Variants in ARHGAP15 observed in about 807,000 individuals in gnomAD.
ARHGAP15 encodes Rho GTPase activating protein 15, also known as rho GTPase-activating protein 15.
ARHGAP15 carries 51 observed loss-of-function variants against 63.7 expected under a neutral mutation model. The ratio of observed to expected loss-of-function variants is 0.80; its 90% CI spans 0.64 to 1.01. The LOEUF is 1.01. Among genes scored for constraint, ARHGAP15 ranks in the 50% least tolerant of loss-of-function variants. The pLI, the probability that ARHGAP15 is intolerant of heterozygous loss-of-function variation, is 0.00. For synonymous variants in ARHGAP15, 191 were observed against 193.8 expected, an observed-to-expected ratio of 0.99 and a Z score of 0.12; for missense variants, 560 against 564.6, an observed-to-expected ratio of 0.99 and a Z score of 0.08.
At chr2:143,445,586 C>T (rs191790738) in intron 8 of ARHGAP15, among the ~76,000 whole-genome samples, 10 of 152,116 alleles carry the variant, frequency 6.6e-5, no homozygotes, top group Non-Finnish European at 1.5e-5. Context: ...CACTCCCTGA[C>T]CCATAATTTA....
At chr2:143,497,548 C>T (rs753227361) in intron 9 of ARHGAP15, among the ~76,000 whole-genome samples, 10 of 152,176 alleles carry the variant, frequency 6.6e-5, no homozygotes, top group Admixed American at 5.2e-4. Flanking sequence ...GCCAGCTTCA[C>T]GAGCAGTGGA....
At chr2:143,262,031 G>C (rs755665978) in intron 6 of ARHGAP15, among the ~76,000 whole-genome samples, 15 of 152,044 alleles carry the variant, frequency 9.9e-5, no homozygotes, top group African/African-American at 2.2e-4. Flanking sequence ...TGTCAAGAAG[G>C]CTCTTTCAGG....
Position 143,165,010 on chromosome 2 carries a change from C to A in ARHGAP15, c.165+9355C>A, listed in dbSNP as rs115288060. On this transcript the variant is annotated intron_variant, in intron 2 of 13. Transcript: ENST00000295095. Reference sequence around the variant, plus strand: ...GATGTCAGAAACCCTGAAAATCAAACGGAAATAAATCATGCTTTTACTTCC... The same window carrying A: ...GATGTCAGAAACCCTGAAAATCAAAAGGAAATAAATCATGCTTTTACTTCC... 3.9e-5 allele frequency among the ~76,000 whole-genome samples: 6 copies of A among 152,044 alleles called. No homozygotes were observed. In the South Asian group the frequency reaches 8.3e-4, roughly 21 times the overall value.
chr2:143,675,609 C>T (rs1682786832), intron 12 of ARHGAP15, among the ~76,000 whole-genome samples: 1 of 152,128 alleles, frequency 6.6e-6, no homozygotes, highest in African/African-American at 2.4e-5. Flanking sequence ...CCTTGTACAC[C>T]TCCATTAGAG....
At chr2:143,493,057 C>CAA (rs112141944) in intron 9 of ARHGAP15, among the ~76,000 whole-genome samples, 57,135 of 147,816 alleles carry the variant, frequency 0.39, 12,338 homozygotes, top group Non-Finnish European at 0.51. Flanking sequence ...GACTCTGTCT[C>CAA]AAAAAAAAAC....
At chr2:143,490,597 G>A (rs1008562516) in intron 9 of ARHGAP15, among the ~76,000 whole-genome samples, 10 of 151,950 alleles carry the variant, frequency 6.6e-5, no homozygotes, top group African/African-American at 2.4e-4. Flanking sequence ...TGATGGTGCT[G>A]TATTTTCTTA....
At chr2:143,313,378 A>T (rs1442779706) in intron 6 of ARHGAP15, among the ~76,000 whole-genome samples, 2 of 152,222 alleles carry the variant, frequency 1.3e-5, no homozygotes, top group Admixed American at 6.5e-5. Flanking sequence ...ACAGAGTTAT[A>T]ACTTAATAGA....
chr2:143,528,548 T>A (rs114294714), intron 10 of ARHGAP15, among the ~76,000 whole-genome samples: 7,006 of 152,162 alleles, frequency 0.046, 253 homozygotes, highest in Middle Eastern at 0.071. Context: ...CTATTGGATA[T>A]TGATTTCATT....
intron 8 of ARHGAP15, among the ~76,000 whole-genome samples, chr2:143,484,365 CAAA>C (rs377516856): frequency 8.0e-6 from 1 of 125,456 alleles, no homozygotes. Flanking sequence ...GACTCCATCT[CAAA>C]AAAAAAAAAA....
chr2:143,684,116 A>G (rs1176047070), intron 12 of ARHGAP15, among the ~76,000 whole-genome samples: 1 of 152,198 alleles, frequency 6.6e-6, no homozygotes, highest in East Asian at 1.9e-4. Flanking sequence ...CACATCTCAG[A>G]AGCACTATTG....
chr2:143,575,752 A>G (rs1696656337), intron 11 of ARHGAP15, among the ~76,000 whole-genome samples: 1 of 152,182 alleles, frequency 6.6e-6, no homozygotes, highest in African/African-American at 2.4e-5. Flanking sequence ...TGGAAATGTT[A>G]GCCTGAATCC....
intron 6 of ARHGAP15, among the ~76,000 whole-genome samples, chr2:143,270,588 T>G (rs983416563): frequency 3.3e-5 from 5 of 152,260 alleles, no homozygotes; most frequent in Non-Finnish European, 7.3e-5. Flanking sequence ...TGTTTCGTGA[T>G]GCTTATTTGT....
rs193297154 is a variant in ARHGAP15 at position 143,489,451 on chromosome 2, C to T, written c.826+1956C>T. Among the ~76,000 whole-genome samples, 13 of 152,224 alleles carry T rather than the reference C, an allele frequency of 8.5e-5. No individual in the cohort carries two copies. The South Asian group carries it at 1.9e-3, about 22-fold the overall frequency. The stretch of plus-strand genomic sequence containing the variant: ...TTGTCTTCAGTAGAATTTTTTTCCA[C>T]GTACAGATCAAGTTATGCAAATGTA... On this transcript the variant is annotated intron_variant, in intron 9 of 13. Coordinates refer to ENST00000295095, the MANE Select transcript of ARHGAP15 (RefSeq NM_018460.4).
chr2:143,268,163 TTA>T (rs1301406310), intron 6 of ARHGAP15, among the ~76,000 whole-genome samples: 1 of 151,540 alleles, frequency 6.6e-6, no homozygotes, highest in Non-Finnish European at 1.5e-5. Context: ...CAAACTAATT[TTA>T]TAGAGTGTAG....
At chr2:143,550,723 C>G (rs1213739418) in intron 10 of ARHGAP15, among the ~76,000 whole-genome samples, 1 of 152,166 alleles carries the variant, frequency 6.6e-6, no homozygotes, top group Non-Finnish European at 1.5e-5. Context: ...CAAGTTAAGT[C>G]TTAACTTTTG....
chr2:143,437,192 G>T, intron 8 of ARHGAP15, 150 bp downstream of exon 8: 1 of 784,200 alleles, frequency 1.3e-6, no homozygotes, highest in Non-Finnish European at 2.0e-6. Flanking sequence ...TGCACTGGAG[G>T]GCAGTCTGGG....
chr2:143,367,226 C>CG (rs1244198702), intron 6 of ARHGAP15, among the ~76,000 whole-genome samples: 1 of 151,848 alleles, frequency 6.6e-6, no homozygotes, highest in Non-Finnish European at 1.5e-5. Context: ...ATGAAGATCC[C>CG]CCAAAATTAA....
intron 8 of ARHGAP15, among the ~76,000 whole-genome samples, chr2:143,455,221 GA>G (rs1242757303): frequency 1.3e-5 from 2 of 152,050 alleles, no homozygotes; most frequent in Non-Finnish European, 2.9e-5. Flanking sequence ...AGTTTTCAAG[GA>G]AAGAGGTGAG....
intron 13 of ARHGAP15, among the ~76,000 whole-genome samples, chr2:143,750,856 TATAAA>T (rs1181418685): frequency 1.3e-5 from 2 of 152,276 alleles, no homozygotes; most frequent in Non-Finnish European, 2.9e-5. Flanking sequence ...GTTTGGAAAA[TATAAA>T]GTACTATACA....
Sources: allele counts gnomAD v4.1 joint callset (sites outside exome capture counted in the v4.1 genomes callset), GRCh38; gene constraint gnomAD v4.1.1; transcripts MANE v1.5; gene names NCBI Gene and HGNC (gene_info 2026-07-23, HGNC 2026-07-21).